Variants in YAF2 observed in about 807,000 individuals in gnomAD.
YAF2 encodes the protein YY1-associated factor 2.
In YAF2, 7 loss-of-function variants were observed where a neutral mutation model predicts 20.1. The observed-to-expected ratio is 0.35, with a 90% CI of 0.20 to 0.65. The LOEUF (loss-of-function observed/expected upper bound fraction) is 0.65, where lower values mean the gene tolerates loss of function less well. Ranked by LOEUF, YAF2 falls within the 30% of genes least tolerant of loss-of-function variation. The pLI, the probability that YAF2 is intolerant of heterozygous loss-of-function variation, is 0.69. For synonymous variants in YAF2, 74 were observed against 76.0 expected (o/e 0.97, Z 0.14); for missense variants, 151 against 219.2 (o/e 0.69, Z 1.96).
At chr12:42,191,318 T>TAAA (rs2066607086) in intron 2 of YAF2, among the ~76,000 whole-genome samples, 1 of 152,200 alleles carries the variant, frequency 6.6e-6, no homozygotes, top group African/African-American at 2.4e-5. Context: ...TCTCTTTTTC[T>TAAA]CACCTGATGT....
Position 42,237,742 on chromosome 12 carries a change from GA to G in YAF2, c.27-19del, listed in dbSNP as rs1382429356. ...GCTTCGGCCTGCAGGACACAACCCG[GA>G]CACGACGCGGCGCGGGGTCACCAGC... On this transcript the variant is annotated intron_variant, in intron 1 of 3. Transcript: ENST00000534854. 6.6e-7 allele frequency: 1 copy of G among 1,515,082 alleles called. No individual in the cohort carries two copies. The allele number at this position is 1,515,082 out of a possible 1,614,324, so 93.9% of individuals were successfully genotyped here.
chr12:42,236,695 G>A (rs968474529), intron 2 of YAF2, among the ~76,000 whole-genome samples: 4 of 152,092 alleles, frequency 2.6e-5, no homozygotes, highest in Non-Finnish European at 1.5e-5. Flanking sequence ...TATTGTTATA[G>A]TTTAGTTTCT....
chr12:42,228,290 G>GT (rs1345078513), intron 2 of YAF2, among the ~76,000 whole-genome samples: 1 of 56,866 alleles, frequency 1.8e-5, no homozygotes, highest in Admixed American at 1.4e-4. Flanking sequence ...CGTCCGGGAG[G>GT]GAGGTGGGGG....
chr12:42,178,859 G>A (rs920211870), intron 2 of YAF2, among the ~76,000 whole-genome samples: 2 of 151,970 alleles, frequency 1.3e-5, no homozygotes, highest in Non-Finnish European at 2.9e-5. Context: ...ACACCCTGGC[G>A]ACATATTGGA....
At chr12:42,170,777 T>C (rs1233301050) in intron 2 of YAF2, among the ~76,000 whole-genome samples, 3 of 152,016 alleles carry the variant, frequency 2.0e-5, no homozygotes, top group African/African-American at 2.4e-5. Context: ...CCTTGGGAGG[T>C]TGAGACTGCA....
intron 1 of YAF2, 111 bp from the exon 2 acceptor site, chr12:42,237,835 C>T (rs1485664559): frequency 6.4e-6 from 6 of 941,988 alleles, no homozygotes; most frequent in Middle Eastern, 5.1e-4. Flanking sequence ...TTCTGCGACC[C>T]CCGCCCCGCG....
At chr12:42,237,865 T>C in intron 1 of YAF2, 141 bp from the exon 2 acceptor site, 1 of 735,204 alleles carries the variant, frequency 1.4e-6, no homozygotes, top group Non-Finnish European at 1.6e-6. Context: ...CGCGCCGCGC[T>C]CCGGCTGAGG....
intron 2 of YAF2, among the ~76,000 whole-genome samples, chr12:42,219,890 A>G (rs1214578598): frequency 6.6e-6 from 1 of 152,210 alleles, no homozygotes; most frequent in African/African-American, 2.4e-5. Context: ...TGTGGACCAC[A>G]CTTTGATAGC....
intron 2 of YAF2, chr12:42,234,402 T>G (rs1031284261): frequency 6.4e-5 from 63 of 985,148 alleles, no homozygotes; most frequent in Admixed American, 3.1e-4. Flanking sequence ...AATGACCTGT[T>G]GGGTATAACG....
rs1356948848 is a variant in YAF2 at position 42,158,503 on chromosome 12, C to T, written c.*2086G>A. The T allele has an allele frequency of 6.6e-6, 1 of 152,130 alleles. No homozygotes were observed. The highest frequency in any genetic ancestry group is 2.1e-4 in the South Asian group (1 of 4,822). The allele number at this position is 152,130 out of a possible 1,614,324, so 9.4% of individuals were successfully genotyped here. A position where few individuals can be genotyped will look rare whatever the true frequency, so the allele number is the denominator to read the frequency against. On this transcript the variant is annotated 3_prime_UTR_variant, in exon 4 of 4. Coordinates refer to ENST00000534854, the MANE Select transcript of YAF2 (RefSeq NM_005748.6). ...AGAATTTTACACGGATTGACTTAAT[C>T]CTCCCAAAAACCCTATAAATTAGAT...
At position 42,238,221 on chromosome 12, in the gene YAF2, C is replaced by G; in HGVS notation, c.-41G>C. 7.1e-7 allele frequency: 1 copy of G among 1,402,950 alleles called. No homozygotes were observed. Among genetic ancestry groups the G allele is most frequent in the South Asian group, 1.3e-5 (1 of 79,734 alleles). The allele number at this position is 1,402,950 out of a possible 1,614,324, so 86.9% of individuals were successfully genotyped here. On this transcript the variant is annotated 5_prime_UTR_variant, in exon 1 of 4. Coordinates refer to ENST00000534854, the MANE Select transcript of YAF2 (RefSeq NM_005748.6). ...GCACGCCGAGAGTCGCCGCCGCGAC[C>G]GCTCTGTTTGTCAATAAGGAGGATA...
At chr12:42,227,859 C>A (rs1360698600) in intron 2 of YAF2, among the ~76,000 whole-genome samples, 1 of 142,432 alleles carries the variant, frequency 7.0e-6, no homozygotes, top group Non-Finnish European at 1.6e-5. Flanking sequence ...GGGTCAGCCC[C>A]CCGCCCCGCC....
intron 2 of YAF2, among the ~76,000 whole-genome samples, chr12:42,202,692 G>A (rs1363315700): frequency 6.6e-6 from 1 of 152,268 alleles, no homozygotes; most frequent in Admixed American, 6.5e-5. Flanking sequence ...AGGTTGGAGT[G>A]CAATGGCATG....
At chr12:42,205,745 CTCTT>C (rs2067023240) in intron 2 of YAF2, 1 of 225,552 alleles carries the variant, frequency 4.4e-6, no homozygotes, top group African/African-American at 2.3e-5. Flanking sequence ...TTTGGCTCTA[CTCTT>C]TTTTTAGTTT....
chr12:42,173,495 T>G (rs944323597), intron 2 of YAF2, among the ~76,000 whole-genome samples: 5 of 152,240 alleles, frequency 3.3e-5, no homozygotes, highest in African/African-American at 1.2e-4. Context: ...GCTTTTCACT[T>G]AATTTGAAAG....
chr12:42,163,032 A>C (rs2065833148), intron 2 of YAF2, among the ~76,000 whole-genome samples: 1 of 152,190 alleles, frequency 6.6e-6, no homozygotes, highest in Admixed American at 6.5e-5. Flanking sequence ...CATCAGAATC[A>C]CCAAGAAGGC....
At chr12:42,204,336 T>G (rs1052255039) in intron 2 of YAF2, among the ~76,000 whole-genome samples, 1 of 152,240 alleles carries the variant, frequency 6.6e-6, no homozygotes, top group Non-Finnish European at 1.5e-5. Context: ...CCATGGGTTC[T>G]GCATCCATAG....
In YAF2 at chr12:42,228,901, C is replaced by T. The variant is rs1372557612; in HGVS notation, c.152+8698G>A. ...CCCCTCTGCCCGGCCACCACCCCGTCTGGGAGGTGTGCCCAACAGCTCATT... is the reference window on the plus strand; with the variant it reads ...CCCCTCTGCCCGGCCACCACCCCGTTTGGGAGGTGTGCCCAACAGCTCATT... On this transcript the variant is annotated intron_variant, in intron 2 of 3. Transcript: ENST00000534854. Among the ~76,000 whole-genome samples the T allele has an allele frequency of 7.0e-5, 5 of 71,452 alleles. No homozygotes were observed. In the East Asian group the frequency reaches 2.5e-3, roughly 36 times the overall value. 46.9% of individuals were successfully genotyped at this position (71,452 alleles called of 152,430 possible). A position where few individuals can be genotyped will look rare whatever the true frequency, so the allele number is the denominator to read the frequency against.
At chr12:42,223,731 T>C (rs1379180628) in intron 2 of YAF2, among the ~76,000 whole-genome samples, 4 of 151,986 alleles carry the variant, frequency 2.6e-5, no homozygotes, top group Non-Finnish European at 5.9e-5. Flanking sequence ...CGCAGGGACA[T>C]GGATGAAGCT....
Sources: gnomAD v4.1 joint callset for allele counts (sites outside exome capture counted in the v4.1 genomes callset) on GRCh38, gnomAD v4.1.1 for gene constraint, MANE v1.5 for transcripts, NCBI Gene and HGNC (gene_info 2026-07-23, HGNC 2026-07-21) for gene names.